Variants in TSC22D1 observed in about 807,000 individuals in gnomAD.
The protein encoded by TSC22D1 is TSC22 domain family protein 1.
TSC22D1 carries 9 observed loss-of-function variants against 74.2 expected under a neutral mutation model. That is an observed-to-expected ratio of 0.12 (90% CI 0.07 to 0.21). The LOEUF is 0.21. Among genes scored for constraint, TSC22D1 ranks in the 10% least tolerant of loss-of-function variants. The pLI is 1.00. For synonymous variants in TSC22D1, 586 were observed against 492.5 expected, an observed-to-expected ratio of 1.19 and a Z score of -2.51; for missense variants, 1,427 against 1,304.7, an observed-to-expected ratio of 1.09 and a Z score of -1.44.
At position 44,433,899 on chromosome 13, in the gene TSC22D1, CA is replaced by C. The variant is rs1874273134; in HGVS notation, c.*726del. 3.7e-6 allele frequency: 5 copies of C among 1,339,972 alleles called. No homozygotes were observed. Among genetic ancestry groups the C allele is most frequent in the Non-Finnish European group, 5.0e-6 (5 of 1,010,080 alleles). 83.0% of individuals were successfully genotyped at this position (1,339,972 alleles called of 1,614,324 possible). On this transcript the variant is annotated 3_prime_UTR_variant, in exon 3 of 3. Transcript: ENST00000458659. ...ACACCTCCTCAGACAGCCAATGAAA[CA>C]ACTAAATTTCAATCTGTACAACCTA...
chr13:44,516,487 G>A, intron 1 of TSC22D1: 1 of 237,164 alleles, frequency 4.2e-6, no homozygotes, highest in Non-Finnish European at 8.2e-6. Flanking sequence ...CCATCAGACA[G>A]AAAAGAAACC....
rs754440180 is a variant in TSC22D1 at position 44,574,528 on chromosome 13, G to A, written c.1547C>T (p.Thr516Ile). Residue 516 changes from threonine to isoleucine, a missense_variant, in exon 1 of 3, where the codon ACC becomes ATC. Thr to Ile is a moderately conservative substitution (Grantham distance 89). This residue lies in a region of TSC22D1 where 1,343 missense variants were observed against 1,191.5 expected (regional missense o/e 1.13). Transcript: ENST00000458659. ...QQQQPALQGV[T>I]LQQMDFGSTG... ...GCTACCAAAATCCATCTGTTGGAGG[G>A]TCACACCTTGGAGAGCTGGTTGTTG... 3 of 1,613,990 alleles carry A rather than the reference G, an allele frequency of 1.9e-6. No homozygotes were observed. The highest frequency in any genetic ancestry group is 1.7e-5 in the Admixed American group (1 of 60,004).
intron 1 of TSC22D1, among the ~76,000 whole-genome samples, chr13:44,466,813 A>C (rs1364709561): frequency 6.6e-6 from 1 of 151,910 alleles, no homozygotes; most frequent in African/African-American, 2.4e-5. Context: ...TCCTGAGCCC[A>C]ATGTCAAACC....
At position 44,576,276 on chromosome 13, in the gene TSC22D1, C is replaced by G. The variant is rs892406053; in HGVS notation, c.-202G>C. On this transcript the variant is annotated 5_prime_UTR_variant, in exon 1 of 3. Transcript: ENST00000458659. ...GGAAAGGAGGATGAACGAGGGTGAA[C>G]AGGGCGGCCGGGGACCCGAAGGGGG... 1 of 738,058 alleles carries G rather than the reference C, an allele frequency of 1.4e-6. No homozygotes were observed. Among genetic ancestry groups the G allele is most frequent in the African/African-American group, 1.8e-5 (1 of 56,246 alleles). The allele number at this position is 738,058 out of a possible 1,614,324, so 45.7% of individuals were successfully genotyped here.
At chr13:44,550,464 C>A (rs1882159500) in intron 1 of TSC22D1, among the ~76,000 whole-genome samples, 1 of 151,804 alleles carries the variant, frequency 6.6e-6, no homozygotes, top group African/African-American at 2.4e-5. Context: ...TGCCTGTAAT[C>A]CCAGCTACTT....
chr13:44,529,119 ATAATAC>A (rs1326509517), intron 1 of TSC22D1, among the ~76,000 whole-genome samples: 4 of 152,070 alleles, frequency 2.6e-5, no homozygotes, highest in African/African-American at 9.7e-5. Context: ...CTAGAAAAAG[ATAATAC>A]TAGAAAGGCA....
chr13:44,488,415 C>T (rs1878547400), intron 1 of TSC22D1, among the ~76,000 whole-genome samples: 2 of 152,134 alleles, frequency 1.3e-5, no homozygotes, highest in Admixed American at 1.3e-4. Context: ...TAAAATAAAG[C>T]AAATTATTAA....
At chr13:44,507,604 T>C (rs2137999279) in intron 1 of TSC22D1, among the ~76,000 whole-genome samples, 1 of 152,102 alleles carries the variant, frequency 6.6e-6, no homozygotes, top group South Asian at 2.1e-4. Flanking sequence ...ATACTGAAAA[T>C]AGATGAAGCT....
At chr13:44,571,628 T>G (rs1742549414) in intron 1 of TSC22D1, among the ~76,000 whole-genome samples, 2 of 152,198 alleles carry the variant, frequency 1.3e-5, no homozygotes, top group Admixed American at 1.3e-4. Context: ...CATAACCTTT[T>G]GACTTAAAAA....
intron 1 of TSC22D1, chr13:44,436,656 GAA>G (rs753938991): frequency 6.3e-7 from 1 of 1,594,258 alleles, no homozygotes; most frequent in Non-Finnish European, 8.5e-7. Context: ...CACCCTCGTG[GAA>G]AAAAAGAGGG....
chr13:44,510,806 G>C (rs747552923), intron 1 of TSC22D1, among the ~76,000 whole-genome samples: 4 of 152,070 alleles, frequency 2.6e-5, no homozygotes, highest in Admixed American at 6.6e-5. Flanking sequence ...ATGTTGACCA[G>C]GCTGGTCTCA....
At chr13:44,536,888 C>T (rs756497517) in intron 1 of TSC22D1, 10 of 959,680 alleles carry the variant, frequency 1.0e-5, no homozygotes, top group African/African-American at 2.0e-5. Flanking sequence ...GTGACCCCCA[C>T]GAAGAATCAC....
At chr13:44,447,690 C>T (rs1224242284) in intron 1 of TSC22D1, among the ~76,000 whole-genome samples, 1 of 151,818 alleles carries the variant, frequency 6.6e-6, no homozygotes, top group Non-Finnish European at 1.5e-5. Flanking sequence ...GTATTTTTCT[C>T]TCTCTAAACA....
At position 44,517,863 on chromosome 13, in the gene TSC22D1, T is replaced by A. The variant is rs1370385162; in HGVS notation, c.2912+55300A>T. 4.0e-3 allele frequency among the ~76,000 whole-genome samples: 227 copies of A among 57,298 alleles called. 1 individual carries two copies. Among genetic ancestry groups the A allele is most frequent in the South Asian group, 9.9e-3 (14 of 1,420 alleles). 37.6% of individuals were successfully genotyped at this position (57,298 alleles called of 152,430 possible). On this transcript the variant is annotated intron_variant, in intron 1 of 2. Coordinates refer to ENST00000458659, the MANE Select transcript of TSC22D1 (RefSeq NM_183422.4). ...TATATATATATATATATATATTTTT[T>A]TTTTTTTTTTTTTTTTAACAAGGTC... is the stretch of plus-strand genomic sequence containing the variant.
At chr13:44,564,628 T>TC (rs939608632) in intron 1 of TSC22D1, among the ~76,000 whole-genome samples, 1 of 152,142 alleles carries the variant, frequency 6.6e-6, no homozygotes, top group African/African-American at 2.4e-5. Flanking sequence ...GATGAAGCCA[T>TC]CAGTAAGCAA....
At chr13:44,498,099 C>A (rs1325325) in intron 1 of TSC22D1, among the ~76,000 whole-genome samples, 51,135 of 146,676 alleles carry the variant, frequency 0.35, 8,948 homozygotes, top group Non-Finnish European at 0.39. Flanking sequence ...AAAAAAAAAA[C>A]CAAAAAAAAA....
chr13:44,513,838 A>G (rs988441735), intron 1 of TSC22D1, among the ~76,000 whole-genome samples: 2 of 152,228 alleles, frequency 1.3e-5, no homozygotes, highest in South Asian at 2.1e-4. Context: ...AAGAGAATTC[A>G]GATGACAAGT....
chr13:44,433,130 C>G lies in TSC22D1; in HGVS notation c.*1496G>C, dbSNP rs1370248567. 3.9e-5 allele frequency: 6 copies of G among 152,244 alleles called. No homozygotes were observed. In the South Asian group the frequency reaches 1.2e-3, roughly 31 times the overall value. 9.4% of individuals were successfully genotyped at this position (152,244 alleles called of 1,614,324 possible). ...CAACTTCCGTCTTTTGATCCTAGAT[C>G]TGCTTATTCCAATTATACACAGAAT... On this transcript the variant is annotated 3_prime_UTR_variant, in exon 3 of 3. Coordinates refer to ENST00000458659, the MANE Select transcript of TSC22D1 (RefSeq NM_183422.4).
intron 1 of TSC22D1, among the ~76,000 whole-genome samples, chr13:44,546,354 G>A (rs977882349): frequency 6.6e-6 from 1 of 152,104 alleles, no homozygotes; most frequent in Non-Finnish European, 1.5e-5. Flanking sequence ...TGATCAAGAT[G>A]ACATCACCAA....
Sources: allele counts gnomAD v4.1 joint callset (sites outside exome capture counted in the v4.1 genomes callset), GRCh38; gene constraint gnomAD v4.1.1; regional missense constraint gnomAD v4.1.1; transcripts MANE v1.5; gene names NCBI Gene and HGNC (gene_info 2026-07-23, HGNC 2026-07-21).